HDAC9: variants seen among roughly 807,000 people sequenced by gnomAD.
HDAC9 encodes the protein MEF-2 interacting transcription repressor (MITR) protein.
HDAC9 carries 41 observed loss-of-function variants against 139.4 expected under a neutral mutation model. That is an observed-to-expected ratio of 0.29 (90% CI 0.23 to 0.38). The LOEUF is 0.38. HDAC9 is among the 10% of genes least tolerant of loss of function. The pLI is 1.00. For synonymous variants in HDAC9, 517 were observed against 476.2 expected (o/e 1.09, Z -1.12); for missense variants, 1,147 against 1,297.0 (o/e 0.88, Z 1.78).
At chr7:18,463,555 G>T (rs1794026237) in intron 1 of HDAC9, among the ~76,000 whole-genome samples, 1 of 151,444 alleles carries the variant, frequency 6.6e-6, no homozygotes, top group South Asian at 2.1e-4. Flanking sequence ...TAATATTCCT[G>T]CATTATTTGT....
chr7:18,802,720 C>T (rs1793406496), intron 17 of HDAC9, among the ~76,000 whole-genome samples: 1 of 151,530 alleles, frequency 6.6e-6, no homozygotes, highest in African/African-American at 2.4e-5. Flanking sequence ...CTATTATATG[C>T]TTATAAATCC....
At chr7:18,668,638 C>G in intron 12 of HDAC9, 1 of 983,544 alleles carries the variant, frequency 1.0e-6, no homozygotes, top group Non-Finnish European at 1.2e-6. Flanking sequence ...AAGAAACTAC[C>G]TGGAACCAGT....
At chr7:18,723,715 TA>T (rs1052611969) in intron 12 of HDAC9, among the ~76,000 whole-genome samples, 2 of 150,616 alleles carry the variant, frequency 1.3e-5, no homozygotes, top group South Asian at 2.1e-4. Context: ...TACTTACTAT[TA>T]AAAAAAAAGA....
In HDAC9 at chr7:18,353,687, G is replaced by T. The variant is rs1418585712; in HGVS notation, c.-42+63172G>T. Among the ~76,000 whole-genome samples the T allele has an allele frequency of 3.3e-5, 5 of 152,136 alleles. No individual in the cohort carries two copies. In the East Asian group the frequency reaches 9.6e-4, roughly 29 times the overall value. Reference sequence around the variant, plus strand: ...AAAAACACAGCAGAATGCCTGGCCTGTGTTACCACATTGACCTACACATTT... The same window carrying T: ...AAAAACACAGCAGAATGCCTGGCCTTTGTTACCACATTGACCTACACATTT... On this transcript the variant is annotated intron_variant, in intron 1 of 3. Coordinates refer to the HDAC9 transcript ENST00000413509.
intron 6 of HDAC9, among the ~76,000 whole-genome samples, chr7:18,614,970 C>T (rs1838177841): frequency 6.6e-6 from 1 of 152,136 alleles, no homozygotes; most frequent in African/African-American, 2.4e-5. Flanking sequence ...AATGATACCT[C>T]CCTGTTGACT....
intron 1 of HDAC9, among the ~76,000 whole-genome samples, chr7:18,476,687 A>G (rs1228070118): frequency 3.3e-5 from 5 of 152,190 alleles, no homozygotes; most frequent in East Asian, 1.9e-4. Context: ...CCAATTAAAT[A>G]TCTTATTTCT....
chr7:18,884,810 A>G (rs148353707), intron 22 of HDAC9, among the ~76,000 whole-genome samples: 1 of 152,240 alleles, frequency 6.6e-6, no homozygotes, highest in Admixed American at 6.5e-5. Flanking sequence ...GACCTTCCTT[A>G]CCTATTCCTC....
At position 18,749,222 on chromosome 7, in the gene HDAC9, A is replaced by T. The variant is rs1788237626; in HGVS notation, c.2043+84A>T. 3 of 1,374,830 alleles carry T rather than the reference A, an allele frequency of 2.2e-6. No individual in the cohort carries two copies. The South Asian group carries it at 3.9e-5, about 18-fold the overall frequency. 85.2% of individuals were successfully genotyped at this position (1,374,830 alleles called of 1,614,324 possible). On this transcript the variant is annotated intron_variant, in intron 14 of 25. Coordinates refer to ENST00000686413, the MANE Select transcript of HDAC9 (RefSeq NM_178425.4). ...GTATTCATTTGGGGAGTAATAGAAA[A>T]ATATTAACCATATAGTGCAAACACC... is the stretch of plus-strand genomic sequence containing the variant.
intron 12 of HDAC9, among the ~76,000 whole-genome samples, chr7:18,721,496 T>A (rs1300801984): frequency 6.6e-6 from 1 of 152,202 alleles, no homozygotes; most frequent in South Asian, 2.1e-4. Context: ...CTTTAAAGTG[T>A]TAAAACAATT....
chr7:18,273,056 G>GTTTTTTTTTTTTTTTTTT (rs746089054), intron 2 of HDAC9, among the ~76,000 whole-genome samples: 1 of 84,784 alleles, frequency 1.2e-5, no homozygotes, highest in Non-Finnish European at 2.2e-5. Flanking sequence ...CCCCTTCTTC[G>GTTTTTTTTTTTTTTTTTT]TTTTTTTTTT....
intron 8 of HDAC9, among the ~76,000 whole-genome samples, chr7:18,635,091 C>T (rs1783477465): frequency 6.6e-6 from 1 of 151,838 alleles, no homozygotes; most frequent in Non-Finnish European, 1.5e-5. Context: ...ATGTAATCCT[C>T]AGTCAAACAT....
intron 1 of HDAC9, among the ~76,000 whole-genome samples, chr7:18,412,449 A>G (rs536346017): frequency 9.9e-4 from 150 of 152,264 alleles, no homozygotes; most frequent in African/African-American, 3.5e-3. Context: ...AAGGGATGGT[A>G]TTAGTGATTG....
chr7:18,975,983 G>T (rs774159275), intron 25 of HDAC9, 30 bp downstream of exon 25: 3 of 1,606,688 alleles, frequency 1.9e-6, no homozygotes, highest in Admixed American at 1.7e-5. Context: ...GAATAATCCG[G>T]GTCAGTCATA....
intron 25 of HDAC9, among the ~76,000 whole-genome samples, chr7:18,993,421 T>G (rs1786164738): frequency 6.6e-6 from 1 of 152,218 alleles, no homozygotes; most frequent in Non-Finnish European, 1.5e-5. Flanking sequence ...GTAAAACAGC[T>G]GGGACTTGAA....
chr7:18,324,399 A>T (rs575410976), intron 1 of HDAC9, among the ~76,000 whole-genome samples: 1 of 152,164 alleles, frequency 6.6e-6, no homozygotes, highest in African/African-American at 2.4e-5. Flanking sequence ...TGAAATGGAG[A>T]TAATCATAGT....
chr7:18,931,318 T>C (rs555595937), intron 22 of HDAC9, among the ~76,000 whole-genome samples: 4 of 152,302 alleles, frequency 2.6e-5, no homozygotes, highest in East Asian at 1.9e-4. Flanking sequence ...GGTAGTTTAG[T>C]GTGGACAGCC....
chr7:18,310,054 T>A (rs1799197652), intron 1 of HDAC9, among the ~76,000 whole-genome samples: 1 of 151,938 alleles, frequency 6.6e-6, no homozygotes, highest in Admixed American at 6.6e-5. Flanking sequence ...TTTTAACTCG[T>A]GTTCCTGATC....
At chr7:18,463,079 A>G (rs559884201) in intron 1 of HDAC9, among the ~76,000 whole-genome samples, 259 of 152,016 alleles carry the variant, frequency 1.7e-3, no homozygotes, top group African/African-American at 6.1e-3. Flanking sequence ...TTTCAGTTTT[A>G]ATTAAAATTT....
intron 16 of HDAC9, among the ~76,000 whole-genome samples, chr7:18,775,626 A>T (rs924968823): frequency 3.3e-5 from 5 of 151,920 alleles, no homozygotes; most frequent in African/African-American, 1.2e-4. Flanking sequence ...ACTGTCCAAT[A>T]CCATCCTATG....
Sources: allele counts gnomAD v4.1 joint callset (sites outside exome capture counted in the v4.1 genomes callset), GRCh38; gene constraint gnomAD v4.1.1; transcripts MANE v1.5; gene names NCBI Gene and HGNC (gene_info 2026-07-23, HGNC 2026-07-21).